The following VIP variants were observed in gnomAD, a reference collection of about 807,000 sequenced individuals.
VIP encodes the protein VIP peptides.
In VIP, 18 loss-of-function variants were observed where a neutral mutation model predicts 20.1. The ratio of observed to expected loss-of-function variants is 0.90; its 90% confidence interval spans 0.62 to 1.33. The LOEUF is 1.33. VIP is among the 40% of genes most tolerant of loss of function. The pLI, the probability that VIP is intolerant of heterozygous loss-of-function variation, is 0.00. For missense variants in VIP, 209 were observed against 199.4 expected, an observed-to-expected ratio of 1.05 and a Z score of -0.29; for synonymous variants, 70 against 68.1, an observed-to-expected ratio of 1.03 and a Z score of -0.14.
intron 4 of VIP, 91 bp from the exon 5 acceptor site, chr6:152,756,043 C>CT: frequency 7.3e-7 from 1 of 1,363,036 alleles, no homozygotes; most frequent in Non-Finnish European, 9.7e-7. Flanking sequence ...GTGGGAATTG[C>CT]TTTTTATGTG....
At chr6:152,756,085 A>T (rs1209583923) in intron 4 of VIP, 49 bp from the exon 5 acceptor site, 1 of 1,453,950 alleles carries the variant, frequency 6.9e-7, no homozygotes, top group African/African-American at 1.5e-5. Context: ...GTGTGTATTT[A>T]TCATTTCTTG....
chr6:152,755,185 A>AT (rs2099730235), intron 3 of VIP, 84 bp from the exon 4 acceptor site: 8 of 843,860 alleles, frequency 9.5e-6, no homozygotes, highest in African/African-American at 1.8e-5. Flanking sequence ...TAAGCCCATA[A>AT]TTTTTTTGTT....
chr6:152,757,061 A>G, intron 5 of VIP, 35 bp from the exon 6 acceptor site: 1 of 1,605,732 alleles, frequency 6.2e-7, no homozygotes, highest in Non-Finnish European at 8.5e-7. Flanking sequence ...CTCATCTGAG[A>G]GCCTTAATAT....
intron 3 of VIP, among the ~76,000 whole-genome samples, chr6:152,754,495 A>G (rs371940422): frequency 6.6e-6 from 1 of 152,074 alleles, no homozygotes; most frequent in Non-Finnish European, 1.5e-5. Flanking sequence ...GTAACAAGCC[A>G]GGATGAACAC....
Position 152,754,308 on chromosome 6 carries a change from A to T in VIP, c.230+20A>T. 6.3e-7 allele frequency: 1 copy of T among 1,584,080 alleles called. No homozygotes were observed. ...ATCCAGGTGAGTTTATTTTTATAAA[A>T]CTATCCAATGAGTTTTATTTTAGAA... On this transcript the variant is annotated intron_variant, in intron 3 of 6. Transcript: ENST00000367244.
intron 6 of VIP, 57 bp from the exon 7 acceptor site, chr6:152,758,853 A>G (rs2099730800): frequency 6.6e-6 from 1 of 152,078 alleles, no homozygotes; most frequent in African/African-American, 2.4e-5. Flanking sequence ...GAATGAAACT[A>G]AGATGCTAGA....
chr6:152,755,297 A>C lies in VIP; in HGVS notation c.259A>C (p.Thr87Pro). Residue 87 changes from threonine (T) to proline (P), a missense_variant, in exon 4 of 7, where the codon ACC (threonine) becomes CCC (proline). Transcript: ENST00000367244. ...RNARHADGVFTSDFSKLLGQL... is the reference protein window; with the variant it reads ...RNARHADGVFPSDFSKLLGQL... ...TGCCAGGCATGCTGATGGAGTTTTC[A>C]CCAGTGACTTCAGTAAACTCTTGGG... 5 of 1,588,750 alleles carry C rather than the reference A, an allele frequency of 3.1e-6. No individual in the cohort carries two copies. The highest frequency in any genetic ancestry group is 4.3e-6 in the Non-Finnish European group (5 of 1,168,150).
chr6:152,752,917 C>T (rs2099729869), intron 2 of VIP, among the ~76,000 whole-genome samples: 1 of 151,962 alleles, frequency 6.6e-6, no homozygotes, highest in Non-Finnish European at 1.5e-5. Flanking sequence ...TATAACACAA[C>T]TCTTATTTAA....
rs1293735721 is a variant in VIP at position 152,755,379 on chromosome 6, G to C, written c.335+6G>C. The C allele has an allele frequency of 1.4e-6, 2 of 1,470,496 alleles. No homozygotes were observed. The highest frequency in any genetic ancestry group is 2.9e-5 in the African/African-American group (2 of 69,614). The allele number at this position is 1,470,496 out of a possible 1,614,324, so 91.1% of individuals were successfully genotyped here. ...CTTATGGGAAAACGTGTTAGGTAAA[G>C]AGAATTTATTATTTTTATAAAATAT... On this transcript the variant is annotated splice_donor_region_variant and intron_variant, in intron 4 of 6. Transcript: ENST00000367244.
intron 2 of VIP, among the ~76,000 whole-genome samples, chr6:152,753,457 T>C (rs1583995569): frequency 1.3e-5 from 2 of 152,156 alleles, no homozygotes; most frequent in Admixed American, 1.3e-4. Context: ...ATTCCATATA[T>C]GCATTTGACT....
At chr6:152,756,483 T>C (rs1477132365) in intron 5 of VIP, among the ~76,000 whole-genome samples, 2 of 151,970 alleles carry the variant, frequency 1.3e-5, no homozygotes, top group African/African-American at 4.8e-5. Context: ...TCTTCGGTGG[T>C]GTGGCCCTAG....
In VIP at chr6:152,759,373, A is replaced by G. The variant is rs1237777334; in HGVS notation, c.*507A>G. ...TCTAAGATAGTAACAATGAAGATAA[A>G]AAGACATTCTTCCAAAAAGATTTTC... On this transcript the variant is annotated 3_prime_UTR_variant, in exon 7 of 7. Transcript: ENST00000367244. The G allele has an allele frequency of 1.3e-5, 2 of 152,018 alleles. No individual in the cohort carries two copies. Among genetic ancestry groups the G allele is most frequent in the Non-Finnish European group, 2.9e-5 (2 of 67,948 alleles). 9.4% of individuals were successfully genotyped at this position (152,018 alleles called of 1,614,324 possible). A position where few individuals can be genotyped will look rare whatever the true frequency, so the allele number is the denominator to read the frequency against.
chr6:152,751,322 T>C (rs559707898), intron 1 of VIP, among the ~76,000 whole-genome samples: 11 of 152,228 alleles, frequency 7.2e-5, no homozygotes, highest in South Asian at 4.1e-4. Context: ...GCTTTTTTTT[T>C]CCTATTTCGT....
intron 4 of VIP, 76 bp from the exon 5 acceptor site, chr6:152,756,058 C>A: frequency 7.2e-7 from 1 of 1,385,674 alleles, no homozygotes; most frequent in Non-Finnish European, 9.4e-7. Context: ...TATGTGGCTC[C>A]AAGAAACCTG....
Position 152,759,657 on chromosome 6 carries a change from A to G in VIP, c.*791A>G, listed in dbSNP as rs189730562. 2 of 152,164 alleles carry G rather than the reference A, an allele frequency of 1.3e-5. No individual in the cohort carries two copies. Among genetic ancestry groups the G allele is most frequent in the Non-Finnish European group, 2.9e-5 (2 of 67,958 alleles). The allele number at this position is 152,164 out of a possible 1,614,324, so 9.4% of individuals were successfully genotyped here. A position where few individuals can be genotyped will look rare whatever the true frequency, so the allele number is the denominator to read the frequency against. The stretch of plus-strand genomic sequence containing the variant: ...AATGACTCAGAATATTGCTTTGGTC[A>G]TATGAGCTTCCTTCTGTGAAAGTAC... On this transcript the variant is annotated 3_prime_UTR_variant, in exon 7 of 7. Coordinates refer to ENST00000367244, the MANE Select transcript of VIP (RefSeq NM_003381.4).
rs1026394190 is a variant in VIP at position 152,755,300 on chromosome 6, A to G, written c.262A>G (p.Ser88Gly). The change falls in exon 4 of 7, where the codon AGT (serine) becomes GGT (glycine). Residue 88 changes from serine (S) to glycine (G), a missense_variant. Physicochemically the swap from Ser to Gly is moderately conservative, Grantham distance 56. Transcript: ENST00000367244. ...CAGGCATGCTGATGGAGTTTTCACCAGTGACTTCAGTAAACTCTTGGGTCA... is the reference window on the plus strand; with the variant it reads ...CAGGCATGCTGATGGAGTTTTCACCGGTGACTTCAGTAAACTCTTGGGTCA... ...NARHADGVFT[S>G]DFSKLLGQLS... is the part of the protein sequence containing the mutation. The G allele has an allele frequency of 6.3e-7, 1 of 1,591,912 alleles. No homozygotes were observed. Among genetic ancestry groups the G allele is most frequent in the East Asian group, 2.3e-5 (1 of 43,856 alleles).
rs902400543 is a variant in VIP, at chr6:152,759,754, G to A, written c.*888G>A. On this transcript the variant is annotated 3_prime_UTR_variant, in exon 7 of 7. Transcript: ENST00000367244. ...GAGAGAAAATAAAGACCTTGCTTAT[G>A]ATTGCAGATAATTTTTTTGTTTGAT... 2 of 151,898 alleles carry A rather than the reference G, an allele frequency of 1.3e-5. No individual in the cohort carries two copies. Among genetic ancestry groups the A allele is most frequent in the Non-Finnish European group, 2.9e-5 (2 of 67,944 alleles). The allele number at this position is 151,898 out of a possible 1,614,324, so 9.4% of individuals were successfully genotyped here.
Position 152,757,094 on chromosome 6 carries a change from A to G in VIP, c.468-2A>G, listed in dbSNP as rs1251232651. 2 of 1,611,724 alleles carry G rather than the reference A, an allele frequency of 1.2e-6. No individual in the cohort carries two copies. Among genetic ancestry groups the G allele is most frequent in the Non-Finnish European group, 1.7e-6 (2 of 1,178,620 alleles). ...TATGTACAATGTTTTTCTGGTCTGC[A>G]GCAGTGAGGGAGAATCTCCCGACTT... is the stretch of plus-strand genomic sequence containing the variant. On this transcript the variant is annotated splice_acceptor_variant, in intron 5 of 6. Transcript: ENST00000367244. LOFTEE classifies it high-confidence loss of function.
rs2099730540 is a variant in VIP, at chr6:152,757,123, A to G, written c.495A>G (p.Pro165=). 6 of 1,611,908 alleles carry G rather than the reference A, an allele frequency of 3.7e-6. No homozygotes were observed. The highest frequency in any genetic ancestry group is 4.2e-6 in the Non-Finnish European group (5 of 1,178,694). ...RSSEGESPDF[P]EELEK ...GTGAGGGAGAATCTCCCGACTTTCC[A>G]GAAGAGTTAGAAAAATGATGAAAAA... is the stretch of plus-strand genomic sequence containing the variant. The change falls in exon 6 of 7, where the codon CCA becomes CCG. Residue 165 remains proline (P), a synonymous_variant. Transcript: ENST00000367244.
Sources: allele counts gnomAD v4.1 joint callset (sites outside exome capture counted in the v4.1 genomes callset), GRCh38; gene constraint gnomAD v4.1.1; transcripts MANE v1.5; gene names NCBI Gene and HGNC (gene_info 2026-07-23, HGNC 2026-07-21).